The following ZFC3H1 variants were observed in gnomAD, a reference collection of about 807,000 sequenced individuals.
ZFC3H1 encodes the protein zinc finger C3H1-type containing, also known as zinc finger C3H1 domain-containing protein.
A neutral mutation model predicts 243.7 loss-of-function variants in ZFC3H1; 71 were observed. The observed-to-expected ratio is 0.29, with a 90% CI of 0.24 to 0.36. The LOEUF is 0.36. Among genes scored for constraint, ZFC3H1 ranks in the 10% least tolerant of loss-of-function variants. The probability of loss-of-function intolerance (pLI) is 1.00; values close to 1 mark genes in which losing one functional copy is unlikely to be tolerated. For synonymous variants in ZFC3H1, 838 were observed against 813.0 expected (o/e 1.03, Z -0.52); for missense variants, 1,966 against 2,317.1 (o/e 0.85, Z 3.11).
chr12:71,623,449 C>G lies in ZFC3H1; in HGVS notation c.4655G>C (p.Arg1552Thr). ...FYDPSNDNPS[R>T]IVNTESFVMP... is the part of the protein sequence containing the mutation. ...TACAAATGATTCAGTGTTAACAATT[C>G]TTGAAGGATTATCATTAGATGGATC... is the stretch of plus-strand genomic sequence containing the variant. The change falls in exon 24 of 35, where the codon AGA becomes ACA. Residue 1552 changes from arginine (R) to threonine (T), a missense_variant. Physicochemically the swap from Arg to Thr is moderately conservative, Grantham distance 71. Around this residue, in one of 4 missense-constraint regions of ZFC3H1, gnomAD observed 1,383 missense variants for 1,723.7 expected, o/e 0.80. Transcript: ENST00000378743. 6.2e-7 allele frequency: 1 copy of G among 1,613,668 alleles called. No homozygotes were observed. The highest frequency in any genetic ancestry group is 8.5e-7 in the Non-Finnish European group (1 of 1,179,834).
In ZFC3H1 at chr12:71,615,285, T is replaced by C. The variant is rs751446985; in HGVS notation, c.5176A>G (p.Ile1726Val). 7 of 1,612,996 alleles carry C rather than the reference T, an allele frequency of 4.3e-6. No individual in the cohort carries two copies. In the African/African-American group the frequency reaches 5.3e-5, roughly 12 times the overall value. ...YLLNIPGPID[I>V]PSRLCKGNFD... ...TTCCCTTTACATAAACGAGATGGAATGTCAATTGGTCCTGGAATATTTAAG... is the reference window on the plus strand; with the variant it reads ...TTCCCTTTACATAAACGAGATGGAACGTCAATTGGTCCTGGAATATTTAAG... Residue 1726 changes from isoleucine to valine, a missense_variant, in exon 28 of 35, where the codon ATT becomes GTT. This residue lies in a region of ZFC3H1 where 1,383 missense variants were observed against 1,723.7 expected (regional missense o/e 0.80). Transcript: ENST00000378743.
Position 71,614,814 on chromosome 12 carries a change from T to C in ZFC3H1, c.5360+20A>G, listed in dbSNP as rs1879855526. ...CCTTTATCCCCAAATCTCATTCTTA[T>C]CAAGAAAACCTAAACTTACTCCATC... On this transcript the variant is annotated intron_variant, in intron 29 of 34. Coordinates refer to ENST00000378743, the MANE Select transcript of ZFC3H1 (RefSeq NM_144982.5). 3 of 1,609,052 alleles carry C rather than the reference T, an allele frequency of 1.9e-6. No individual in the cohort carries two copies. The highest frequency in any genetic ancestry group is 2.5e-6 in the Non-Finnish European group (3 of 1,176,670).
chr12:71,656,837 T>C (rs763585450), intron 2 of ZFC3H1, 48 bp downstream of exon 2: 6 of 1,539,708 alleles, frequency 3.9e-6, no homozygotes, highest in Non-Finnish European at 5.2e-6. Context: ...TAGTTACTAC[T>C]TTAGAGGAAG....
chr12:71,636,807 T>C (rs1165984277), intron 8 of ZFC3H1, 43 bp downstream of exon 8: 1 of 1,603,692 alleles, frequency 6.2e-7, no homozygotes, highest in African/African-American at 1.3e-5. Context: ...ACCGTAAAGC[T>C]AAGCTCAAGA....
chr12:71,624,210 T>G lies in ZFC3H1; in HGVS notation c.4400A>C (p.Gln1467Pro). ...AAAGGACAAAATATTGGATGTTTCC[T>G]GCTTGGCTGCTCCCATCAGAAACTC... ...MLEFLMGAAKQETSNILSFQL... is the reference protein window; with the variant it reads ...MLEFLMGAAKPETSNILSFQL... Residue 1467 changes from glutamine to proline, a missense_variant, in exon 23 of 35, where the codon CAG (glutamine) becomes CCG (proline). Gln to Pro is a moderately conservative substitution (Grantham distance 76, BLOSUM62 -1). Transcript: ENST00000378743. 6.2e-7 allele frequency: 1 copy of G among 1,614,108 alleles called. No homozygotes were observed. The highest frequency in any genetic ancestry group is 8.5e-7 in the Non-Finnish European group (1 of 1,179,998).
chr12:71,647,539 C>T (rs1445860719), intron 3 of ZFC3H1, among the ~76,000 whole-genome samples: 1 of 152,098 alleles, frequency 6.6e-6, no homozygotes, highest in Non-Finnish European at 1.5e-5. Context: ...ATATATAACA[C>T]TTTAATTAAA....
At position 71,627,740 on chromosome 12, in the gene ZFC3H1, A is replaced by G. The variant is rs777038328; in HGVS notation, c.4130+11T>C. 1 of 1,600,704 alleles carries G rather than the reference A, an allele frequency of 6.2e-7. No homozygotes were observed. Among genetic ancestry groups the G allele is most frequent in the Non-Finnish European group, 8.5e-7 (1 of 1,174,388 alleles). Reference sequence around the variant, plus strand: ...TGCAACTGTTTACACAAAGATTTGAAGTTGACCTACCCCTCATTTTGATTC... The same window carrying G: ...TGCAACTGTTTACACAAAGATTTGAGGTTGACCTACCCCTCATTTTGATTC... On this transcript the variant is annotated intron_variant, in intron 21 of 34. Transcript: ENST00000378743.
In ZFC3H1 at chr12:71,627,324, T is replaced by C. The variant is rs959658764; in HGVS notation, c.4130+427A>G. ...GAGACAGAAAGAAAATTCACCATAA[T>C]TTGGAAGTTCTCAGATAAGCTTTAA... On this transcript the variant is annotated intron_variant, in intron 21 of 34. Transcript: ENST00000378743. Among the ~76,000 whole-genome samples the C allele has an allele frequency of 3.9e-5, 6 of 152,284 alleles. No individual in the cohort carries two copies. The East Asian group carries it at 9.6e-4, about 24-fold the overall frequency.
At chr12:71,640,291 G>C (rs1208291451) in intron 6 of ZFC3H1, among the ~76,000 whole-genome samples, 1 of 152,166 alleles carries the variant, frequency 6.6e-6, no homozygotes, top group Non-Finnish European at 1.5e-5. Flanking sequence ...CAAAAGTTCT[G>C]GGATTACAGG....
At chr12:71,630,531 C>G in intron 18 of ZFC3H1, 69 bp downstream of exon 18, 10 of 1,544,060 alleles carry the variant, frequency 6.5e-6, no homozygotes, top group Non-Finnish European at 7.9e-6. Context: ...ATGTCAACAA[C>G]TAATATAGAA....
Position 71,611,117 on chromosome 12 carries a change from AAAG to A in ZFC3H1, c.5730-23_5730-21del. On this transcript the variant is annotated intron_variant, in intron 32 of 34. Coordinates refer to ENST00000378743, the MANE Select transcript of ZFC3H1 (RefSeq NM_144982.5). Reference sequence around the variant, plus strand: ...ATGGCTCTAAGAGAAAAAAAAAAAAAAAGAAATATAGAAAAAGGAAAAGAAAAA... The same window carrying A: ...ATGGCTCTAAGAGAAAAAAAAAAAAAAAATATAGAAAAAGGAAAAGAAAAA... 1.3e-6 allele frequency: 2 copies of A among 1,541,064 alleles called. No individual in the cohort carries two copies. Among genetic ancestry groups the A allele is most frequent in the Admixed American group, 4.3e-5 (2 of 45,998 alleles).
Position 71,609,769 on chromosome 12 carries a change from G to C in ZFC3H1, c.*659C>G, listed in dbSNP as rs1879722702. On this transcript the variant is annotated 3_prime_UTR_variant, in exon 35 of 35. Coordinates refer to ENST00000378743, the MANE Select transcript of ZFC3H1 (RefSeq NM_144982.5). ...TGCACATAATATTTGACCACTCTTA[G>C]GTTCTGATGCACTGGCATTTGCAAT... is the stretch of plus-strand genomic sequence containing the variant. 6.6e-6 allele frequency: 1 copy of C among 152,414 alleles called. No individual in the cohort carries two copies. Among genetic ancestry groups the C allele is most frequent in the Non-Finnish European group, 1.5e-5 (1 of 68,006 alleles). 9.4% of individuals were successfully genotyped at this position (152,414 alleles called of 1,614,324 possible). A position where few individuals can be genotyped will look rare whatever the true frequency, so the allele number is the denominator to read the frequency against.
At chr12:71,627,661 GA>G (rs1244398069) in intron 21 of ZFC3H1, 89 bp downstream of exon 21, 3 of 1,286,000 alleles carry the variant, frequency 2.3e-6, no homozygotes, top group Non-Finnish European at 3.2e-6. Flanking sequence ...TACTAGGAAA[GA>G]AACCTGACTG....
chr12:71,640,463 C>T (rs994627977), intron 6 of ZFC3H1, among the ~76,000 whole-genome samples: 2 of 152,254 alleles, frequency 1.3e-5, no homozygotes, highest in Non-Finnish European at 2.9e-5. Flanking sequence ...TGCCCTGTGC[C>T]AGAAGGCTGG....
At chr12:71,615,172 A>C (rs375968403) in intron 28 of ZFC3H1, 34 bp downstream of exon 28, 1 of 1,477,366 alleles carries the variant, frequency 6.8e-7, no homozygotes. Flanking sequence ...ATGCAGGCCT[A>C]GTATGCAATA....
chr12:71,631,331 A>G (rs1181588802), intron 16 of ZFC3H1, among the ~76,000 whole-genome samples: 1 of 152,140 alleles, frequency 6.6e-6, no homozygotes, highest in Non-Finnish European at 1.5e-5. Flanking sequence ...AGATAAAAAC[A>G]TGCAACCCTT....
intron 33 of ZFC3H1, 44 bp from the exon 34 acceptor site, chr12:71,610,801 A>G: frequency 6.4e-7 from 1 of 1,566,664 alleles, no homozygotes; most frequent in Non-Finnish European, 8.7e-7. Flanking sequence ...AAATATAATG[A>G]AAAACACCTT....
Position 71,663,391 on chromosome 12 carries a change from AG to A in ZFC3H1, c.219del (p.Ser74ArgfsTer10), listed in dbSNP as rs1881244790. ...GGGSGGGGGS[S>X]SSSSSSQQQL... ...TGCTGCTGAGAAGAGGACGATGACGAGGAAGAGCCACCGCCTCCGCCAGATC... is the reference window on the plus strand; with the variant it reads ...TGCTGCTGAGAAGAGGACGATGACGAGAAGAGCCACCGCCTCCGCCAGATC... On this transcript the variant is annotated frameshift_variant, in exon 1 of 35. Transcript: ENST00000378743. LOFTEE classifies it high-confidence loss of function. The A allele has an allele frequency of 6.2e-7, 1 of 1,612,106 alleles. No homozygotes were observed. Among genetic ancestry groups the A allele is most frequent in the Admixed American group, 1.7e-5 (1 of 60,004 alleles).
In ZFC3H1 at chr12:71,660,192, T is replaced by A. The variant is rs1457812380; in HGVS notation, c.598+2821A>T. ...TATTTGTAAAATAAAAAAGGTATTA[T>A]TATAATCACATAGTGGAAATATGAA... On this transcript the variant is annotated intron_variant, in intron 1 of 34. Coordinates refer to ENST00000378743, the MANE Select transcript of ZFC3H1 (RefSeq NM_144982.5). 5 of 152,216 alleles carry A rather than the reference T, an allele frequency of 3.3e-5. 1 individual carries two copies. The highest frequency in any genetic ancestry group is 3.3e-4 in the Admixed American group (5 of 15,282). 9.4% of individuals were successfully genotyped at this position (152,216 alleles called of 1,614,324 possible).
Sources: allele counts gnomAD v4.1 joint callset (sites outside exome capture counted in the v4.1 genomes callset), GRCh38; gene constraint gnomAD v4.1.1; regional missense constraint gnomAD v4.1.1; transcripts MANE v1.5; gene names NCBI Gene and HGNC (gene_info 2026-07-23, HGNC 2026-07-21).